The following AGMO variants were observed in gnomAD, a reference collection of about 807,000 sequenced individuals.
The protein encoded by AGMO is alkylglycerol monooxygenase.
AGMO carries 75 observed loss-of-function variants against 60.2 expected under a neutral mutation model. The ratio of observed to expected loss-of-function variants is 1.25; its 90% CI spans 1.03 to 1.51. The LOEUF (loss-of-function observed/expected upper bound fraction) is 1.51, where lower values mean the gene tolerates loss of function less well. Among genes scored for constraint, AGMO ranks in the 40% most tolerant of loss-of-function variants. The pLI is 0.00. For missense variants in AGMO, 763 were observed against 525.5 expected (o/e 1.45, Z -4.42); for synonymous variants, 261 against 177.1 (o/e 1.47, Z -3.76).
At chr7:15,482,643 G>A (rs1782790953) in intron 3 of AGMO, among the ~76,000 whole-genome samples, 1 of 152,104 alleles carries the variant, frequency 6.6e-6, no homozygotes, top group South Asian at 2.1e-4. Flanking sequence ...TCTCTGTGCT[G>A]ATACTAGCAT....
At chr7:15,475,368 A>G (rs780043475) in intron 3 of AGMO, among the ~76,000 whole-genome samples, 29 of 152,154 alleles carry the variant, frequency 1.9e-4, no homozygotes, top group Non-Finnish European at 4.1e-4. Flanking sequence ...GCCACAAAAA[A>G]GGATGAGTTC....
At chr7:15,239,778 C>T (rs1472781766) in intron 12 of AGMO, among the ~76,000 whole-genome samples, 3 of 152,046 alleles carry the variant, frequency 2.0e-5, no homozygotes, top group African/African-American at 7.2e-5. Flanking sequence ...AGTACACTTA[C>T]ATATTAAAAA....
chr7:15,394,613 G>A (rs954969219), intron 5 of AGMO, among the ~76,000 whole-genome samples: 24 of 152,264 alleles, frequency 1.6e-4, no homozygotes, highest in African/African-American at 3.9e-4. Context: ...TAGATTTCAT[G>A]TTGCATTATA....
chr7:15,199,723 T>C (rs1781225046), downstream of AGMO, among the ~76,000 whole-genome samples: 2 of 152,196 alleles, frequency 1.3e-5, no homozygotes, highest in African/African-American at 2.4e-5. Flanking sequence ...GTGAAAATTG[T>C]TGTTAAGGGA....
At position 15,437,030 on chromosome 7, in the gene AGMO, T is replaced by C. The variant is rs1294826954; in HGVS notation, c.410-5922A>G. Among the ~76,000 whole-genome samples the C allele has an allele frequency of 2.0e-5, 3 of 152,182 alleles. No homozygotes were observed. In the South Asian group the frequency reaches 6.2e-4, roughly 31 times the overall value. On this transcript the variant is annotated intron_variant, in intron 3 of 12. Transcript: ENST00000342526. ...ATCCTTTAAATTTTGTTTTGTCTTT[T>C]CTTAATATCAAAGCTTAGTTGATAA... is the stretch of plus-strand genomic sequence containing the variant.
At position 15,387,557 on chromosome 7, in the gene AGMO, A is replaced by G; in HGVS notation, c.823-17T>C. 1.3e-6 allele frequency: 2 copies of G among 1,588,980 alleles called. No homozygotes were observed. Among genetic ancestry groups the G allele is most frequent in the South Asian group, 1.1e-5 (1 of 86,972 alleles). Reference sequence around the variant, plus strand: ...GTGATGGAACTAGAAACAATAAAAAAAGAGCTTATTTCACATAAGATAAAT... The same window carrying G: ...GTGATGGAACTAGAAACAATAAAAAGAGAGCTTATTTCACATAAGATAAAT... On this transcript the variant is annotated splice_polypyrimidine_tract_variant and intron_variant, in intron 8 of 12. Coordinates refer to ENST00000342526, the MANE Select transcript of AGMO (RefSeq NM_001004320.2).
the AGMO span, among the ~76,000 whole-genome samples, chr7:15,184,293 G>A: frequency 3.4e-5 from 2 of 57,992 alleles, no homozygotes; most frequent in East Asian, 1.2e-3. Context: ...AAGGAAGGAA[G>A]GGAGGCAGGC....
chr7:15,493,362 CTT>C (rs1783124694), intron 3 of AGMO, among the ~76,000 whole-genome samples: 3 of 102,262 alleles, frequency 2.9e-5, no homozygotes, highest in Admixed American at 1.2e-4. Context: ...CACACACACA[CTT>C]CTTTTTTTTT....
intron 3 of AGMO, among the ~76,000 whole-genome samples, chr7:15,536,913 A>T (rs1003639015): frequency 6.6e-6 from 1 of 151,648 alleles, no homozygotes; most frequent in African/African-American, 2.4e-5. Context: ...ACTTGATTTG[A>T]CTTTTTTTTT....
At chr7:15,433,706 C>T (rs958722412) in intron 3 of AGMO, among the ~76,000 whole-genome samples, 1 of 151,830 alleles carries the variant, frequency 6.6e-6, no homozygotes, top group Admixed American at 6.6e-5. Context: ...TGAAAGACTT[C>T]ATATAATTAT....
intron 12 of AGMO, among the ~76,000 whole-genome samples, chr7:15,316,751 C>CGCG (rs1780938324): frequency 6.6e-5 from 10 of 152,032 alleles, no homozygotes; most frequent in Non-Finnish European, 1.0e-4. Context: ...AGCGAAAAAT[C>CGCG]CAAGAAAAAG....
intron 12 of AGMO, among the ~76,000 whole-genome samples, chr7:15,212,725 T>C (rs964582793): frequency 1.5e-4 from 23 of 151,936 alleles, no homozygotes; most frequent in African/African-American, 5.6e-4. Context: ...CATGATTCAG[T>C]GCTTTGAGTA....
At chr7:15,501,558 A>C (rs1783385834) in intron 3 of AGMO, among the ~76,000 whole-genome samples, 1 of 152,014 alleles carries the variant, frequency 6.6e-6, no homozygotes, top group Non-Finnish European at 1.5e-5. Context: ...ATTAATATAC[A>C]AGAACTCCAT....
chr7:15,133,284 G>A, the AGMO span, among the ~76,000 whole-genome samples: 1 of 152,282 alleles, frequency 6.6e-6, no homozygotes, highest in Non-Finnish European at 1.5e-5. Context: ...TGTTCCTTTT[G>A]TGTAAGTGTC....
At chr7:15,260,585 C>A (rs953364128) in intron 12 of AGMO, among the ~76,000 whole-genome samples, 7 of 151,950 alleles carry the variant, frequency 4.6e-5, no homozygotes, top group African/African-American at 1.7e-4. Flanking sequence ...TTTAATATTC[C>A]ACTGACAGCA....
At chr7:15,335,875 A>T (rs1463634327) in intron 12 of AGMO, among the ~76,000 whole-genome samples, 2 of 152,174 alleles carry the variant, frequency 1.3e-5, no homozygotes, top group African/African-American at 4.8e-5. Flanking sequence ...GTGTTATTTT[A>T]AATAGATCAC....
At chr7:15,442,458 A>G (rs1215882633) in intron 3 of AGMO, among the ~76,000 whole-genome samples, 1 of 152,104 alleles carries the variant, frequency 6.6e-6, no homozygotes, top group African/African-American at 2.4e-5. Flanking sequence ...ATGTAGGAAC[A>G]TTTCCCCCAT....
chr7:15,464,058 C>T (rs896582990), intron 3 of AGMO, among the ~76,000 whole-genome samples: 1 of 152,156 alleles, frequency 6.6e-6, no homozygotes, highest in African/African-American at 2.4e-5. Context: ...GTAATAGCCA[C>T]GGAGATTTCT....
At chr7:15,470,975 G>A (rs1480737768) in intron 3 of AGMO, among the ~76,000 whole-genome samples, 1 of 151,790 alleles carries the variant, frequency 6.6e-6, no homozygotes, top group Non-Finnish European at 1.5e-5. Context: ...AGATGCTTCT[G>A]GGCCAGCCAT....
Sources: allele counts gnomAD v4.1 joint callset (sites outside exome capture counted in the v4.1 genomes callset), GRCh38; gene constraint gnomAD v4.1.1; transcripts MANE v1.5; gene names NCBI Gene and HGNC (gene_info 2026-07-23, HGNC 2026-07-21).